The following AP2A1 variants were observed in gnomAD, a reference collection of about 807,000 sequenced individuals.
The protein encoded by AP2A1 is adaptor related protein complex 2 subunit alpha 1, also known as AP-2 complex subunit alpha-1.
A neutral mutation model predicts 107.3 loss-of-function variants in AP2A1; 21 were observed. The ratio of observed to expected loss-of-function variants is 0.20; its 90% CI spans 0.14 to 0.28. The LOEUF (loss-of-function observed/expected upper bound fraction) is 0.28. AP2A1 is among the 10% of genes least tolerant of loss of function. AP2A1 has a pLI of 1.00. For synonymous variants in AP2A1, 602 were observed against 564.8 expected (o/e 1.07, Z -0.93); for missense variants, 873 against 1,307.7 (o/e 0.67, Z 5.13).
At chr19:49,774,405 G>C (rs1259689246) in intron 1 of AP2A1, among the ~76,000 whole-genome samples, 1 of 152,114 alleles carries the variant, frequency 6.6e-6, no homozygotes, top group African/African-American at 2.4e-5. Context: ...CTGCTGAGCA[G>C]GGGGGCTGAC....
At chr19:49,781,368 A>C (rs1273637358) in intron 1 of AP2A1, among the ~76,000 whole-genome samples, 2 of 152,086 alleles carry the variant, frequency 1.3e-5, no homozygotes, top group African/African-American at 4.8e-5. Context: ...GGTAGGGGTG[A>C]GCACCCTGCG....
rs1480560241 is a variant in AP2A1, at chr19:49,787,350, T to G, written c.474-4585T>G. ...GCTTTTTTTGTTTGTTTTTTTTGTT[T>G]TTTGTTTTTTTTTTTTTGAGGCAGT... On this transcript the variant is annotated intron_variant, in intron 4 of 22. Coordinates refer to ENST00000354293, the MANE Select transcript of AP2A1 (RefSeq NM_130787.3). Among the ~76,000 whole-genome samples the G allele has an allele frequency of 4.5e-4, 52 of 114,928 alleles. 2 individuals carry two copies. In the South Asian group the frequency reaches 9.8e-3, roughly 22 times the overall value. 75.4% of individuals were successfully genotyped at this position (114,928 alleles called of 152,430 possible).
intron 12 of AP2A1, 108 bp downstream of exon 12, chr19:49,801,166 T>C (rs2073274224): frequency 8.6e-7 from 1 of 1,165,788 alleles, no homozygotes; most frequent in Admixed American, 2.6e-5. Context: ...TCCCATCCTC[T>C]CGGCCTCCAC....
At chr19:49,805,816 C>G in intron 20 of AP2A1, 39 bp downstream of exon 20, 1 of 625,734 alleles carries the variant, frequency 1.6e-6, no homozygotes, top group South Asian at 1.4e-5. Flanking sequence ...AGCCGCGCCT[C>G]TGGGTGGGCG....
At chr19:49,803,646 G>A (rs2073321858) in intron 18 of AP2A1, 2 of 490,594 alleles carry the variant, frequency 4.1e-6, no homozygotes, top group Non-Finnish European at 7.5e-6. Context: ...CACCTTCCGT[G>A]TCCTGCCATC....
chr19:49,784,386 C>G (rs926066950), intron 4 of AP2A1, among the ~76,000 whole-genome samples: 4 of 151,160 alleles, frequency 2.6e-5, no homozygotes, highest in African/African-American at 7.3e-5. Context: ...GAGCCGAGAT[C>G]ATGCCACTGC....
At chr19:49,781,562 G>A (rs549277484) in intron 1 of AP2A1, among the ~76,000 whole-genome samples, 195 bp from the exon 2 acceptor site, 10 of 152,120 alleles carry the variant, frequency 6.6e-5, no homozygotes, top group Non-Finnish European at 1.3e-4. Context: ...TCTGTGCTGT[G>A]GGGCTCAGCC....
chr19:49,799,211 G>A (rs1270114725), intron 8 of AP2A1, 116 bp from the exon 9 acceptor site: 2 of 1,308,684 alleles, frequency 1.5e-6, no homozygotes, highest in Non-Finnish European at 2.1e-6. Context: ...TGCAAGGCCG[G>A]CAAGGTTAAG....
chr19:49,786,225 T>C (rs966967105), intron 4 of AP2A1, among the ~76,000 whole-genome samples: 5 of 151,342 alleles, frequency 3.3e-5, no homozygotes, highest in African/African-American at 1.2e-4. Flanking sequence ...AGTGACACCC[T>C]GTCTAAAAAA....
chr19:49,803,251 A>T (rs746465312), intron 17 of AP2A1, 36 bp from the exon 18 acceptor site: 1 of 1,612,252 alleles, frequency 6.2e-7, no homozygotes. Context: ...GGTCAGAGGG[A>T]CTCAGATGGA....
chr19:49,802,867 C>G (rs1419103942), intron 15 of AP2A1, 82 bp from the exon 16 acceptor site: 6 of 1,473,778 alleles, frequency 4.1e-6, no homozygotes, highest in Non-Finnish European at 5.6e-6. Context: ...GTCCTTAGGG[C>G]TTGTTCTCGC....
chr19:49,775,469 C>A (rs373553988), intron 1 of AP2A1, among the ~76,000 whole-genome samples: 3 of 152,070 alleles, frequency 2.0e-5, no homozygotes, highest in African/African-American at 7.2e-5. Context: ...TGTGCACCAC[C>A]ATGCCCGGCT....
At chr19:49,790,431 C>T (rs1157738857) in intron 4 of AP2A1, among the ~76,000 whole-genome samples, 3 of 152,194 alleles carry the variant, frequency 2.0e-5, no homozygotes, top group Middle Eastern at 3.2e-3. Flanking sequence ...GTACCCCCAC[C>T]CTTTTTTTTG....
intron 4 of AP2A1, among the ~76,000 whole-genome samples, chr19:49,787,347 GTT>G (rs199550216): frequency 2.1e-5 from 2 of 96,180 alleles, no homozygotes; most frequent in African/African-American, 8.9e-5. Context: ...TGTTTTTTTT[GTT>G]TTTTGTTTTT....
In AP2A1 at chr19:49,785,686, G is replaced by A. The variant is rs960951150; in HGVS notation, c.473+2962G>A. Among the ~76,000 whole-genome samples the A allele has an allele frequency of 7.9e-5, 12 of 152,246 alleles. No homozygotes were observed. Among genetic ancestry groups the A allele is most frequent in the Middle Eastern group, 3.4e-3 (1 of 294 alleles). On this transcript the variant is annotated intron_variant, in intron 4 of 22. Coordinates refer to ENST00000354293, the MANE Select transcript of AP2A1 (RefSeq NM_130787.3). This position sits in a 1 kb window ranked among gnomAD's most constrained non-coding sequence, Gnocchi z 4.1. ...AATCCCAGCACCTTGGGAGGCCAAG[G>A]TGGGCAGATCACTTGAGGTCAGGAG...
intron 6 of AP2A1, 25 bp from the exon 7 acceptor site, chr19:49,795,605 C>CCCCCCCTTT: frequency 1.2e-6 from 1 of 812,258 alleles, no homozygotes. Flanking sequence ...CAGCCCCCAA[C>CCCCCCCTTT]TTATTTCTTG....
chr19:49,798,869 C>A lies in AP2A1; in HGVS notation c.882C>A (p.Pro294=). The A allele has an allele frequency of 6.3e-7, 1 of 1,593,340 alleles. No individual in the cohort carries two copies. The highest frequency in any genetic ancestry group is 2.3e-5 in the East Asian group (1 of 43,832). The change falls in exon 8 of 23, where the codon CCC becomes CCA. Residue 294 remains proline, a synonymous_variant. Transcript: ENST00000354293. ...CTGTGCTCAACAAGGCCCAGGAGCC[C>A]CCCAAATCCAAGAAGGTGCAGCATT... is the stretch of plus-strand genomic sequence containing the variant. ...LETVLNKAQE[P]PKSKKVQHSN...
At chr19:49,772,261 T>C (rs1318388607) in intron 1 of AP2A1, among the ~76,000 whole-genome samples, 5 of 131,096 alleles carry the variant, frequency 3.8e-5, no homozygotes, top group African/African-American at 1.4e-4. Flanking sequence ...TTTTTTTTTT[T>C]TTTTTTTTTT....
intron 1 of AP2A1, 63 bp from the exon 2 acceptor site, chr19:49,781,694 A>G: frequency 1.3e-6 from 2 of 1,506,284 alleles, no homozygotes; most frequent in East Asian, 2.5e-5. Flanking sequence ...GCGCCTAGGA[A>G]AGAGAGGGCA....
Sources: allele counts gnomAD v4.1 joint callset (sites outside exome capture counted in the v4.1 genomes callset), GRCh38; gene constraint gnomAD v4.1.1; non-coding constraint Gnocchi (gnomAD v3.1); transcripts MANE v1.5; gene names NCBI Gene and HGNC (gene_info 2026-07-23, HGNC 2026-07-21).